The following POLK variants were observed in gnomAD, a reference collection of about 807,000 sequenced individuals.
POLK encodes polymerase (DNA directed) kappa.
A neutral mutation model predicts 94.0 loss-of-function variants in POLK; 76 were observed. That is an observed-to-expected ratio of 0.81 (90% CI 0.67 to 0.98). The LOEUF (loss-of-function observed/expected upper bound fraction) is 0.98. POLK is among the 50% of genes least tolerant of loss of function. POLK has a pLI of 0.00. For missense variants in POLK, 954 were observed against 1,010.1 expected (o/e 0.94, Z 0.75); for synonymous variants, 349 against 325.4 (o/e 1.07, Z -0.78).
upstream of POLK, chr5:75,511,628 T>G: frequency 6.7e-7 from 1 of 1,483,946 alleles, no homozygotes; most frequent in Non-Finnish European, 9.0e-7. Context: ...GGCCCACTAT[T>G]TACCCTCCCC....
At position 75,597,495 on chromosome 5, in the gene POLK, A is replaced by G. The variant is rs547131395; in HGVS notation, c.2486-252A>G. On this transcript the variant is annotated intron_variant, in intron 13 of 14. Coordinates refer to ENST00000241436, the Ensembl canonical transcript of POLK. ...ACAGTGGTAAATTAACTATAACTGC[A>G]TAACTAGAAAGCCTCTTTAACTTAT... 3 of 406,842 alleles carry G rather than the reference A, an allele frequency of 7.4e-6. No individual in the cohort carries two copies. In the East Asian group the frequency reaches 1.1e-4, roughly 16 times the overall value. 25.2% of individuals were successfully genotyped at this position (406,842 alleles called of 1,614,324 possible). A position where few individuals can be genotyped will look rare whatever the true frequency, so the allele number is the denominator to read the frequency against.
Position 75,582,927 on chromosome 5 carries a change from C to T in POLK, c.935-366C>T, listed in dbSNP as rs5744678. 675 of 156,060 alleles carry T rather than the reference C, an allele frequency of 4.3e-3. 2 individuals are homozygous for T. The highest frequency in any genetic ancestry group is 0.016 in the African/African-American group (617 of 39,310). 9.7% of individuals were successfully genotyped at this position (156,060 alleles called of 1,614,324 possible). A position where few individuals can be genotyped will look rare whatever the true frequency, so the allele number is the denominator to read the frequency against. ...TCACGCCATTGCACTCCAGCCTGGG[C>T]GACAGAGCAAGACTCCATCTGAAAA... On this transcript the variant is annotated intron_variant, in intron 7 of 14. Transcript: ENST00000241436.
intron 10 of POLK, among the ~76,000 whole-genome samples, chr5:75,589,772 T>C (rs1007037944): frequency 6.6e-6 from 1 of 152,194 alleles, no homozygotes; most frequent in South Asian, 2.1e-4. Context: ...CTTTGTATTA[T>C]CCTCTTTTAA....
At chr5:75,516,224 C>T (rs564844952) in intron 1 of POLK, among the ~76,000 whole-genome samples, 1 of 152,242 alleles carries the variant, frequency 6.6e-6, no homozygotes, top group South Asian at 2.1e-4. Context: ...AGCTTTTTAG[C>T]TTGATATAAT....
At chr5:75,557,817 T>C (rs1222119825) in intron 3 of POLK, among the ~76,000 whole-genome samples, 1 of 152,120 alleles carries the variant, frequency 6.6e-6, no homozygotes, top group Non-Finnish European at 1.5e-5. Flanking sequence ...TGAGACAGAG[T>C]CTCCCTCTGT....
chr5:75,584,545 G>A (rs1272125558), intron 8 of POLK, among the ~76,000 whole-genome samples: 3 of 152,012 alleles, frequency 2.0e-5, no homozygotes, highest in African/African-American at 7.2e-5. Flanking sequence ...GCGCATGTCT[G>A]TAATCCCAGC....
At chr5:75,537,973 C>T (rs180938444) in intron 1 of POLK, among the ~76,000 whole-genome samples, 2,486 of 152,110 alleles carry the variant, frequency 0.016, 58 homozygotes, top group African/African-American at 0.054. Context: ...TCTCCTGCCT[C>T]AGCCGCCCGA....
At position 75,597,179 on chromosome 5, in the gene POLK, G is replaced by T; in HGVS notation, c.2485+1G>T. Reference sequence around the variant, plus strand: ...CCCAAAGAAAGCTCCAGAAGTACTGGTAAGTGTGTAATTGTTTTAAACTGC... The same window carrying T: ...CCCAAAGAAAGCTCCAGAAGTACTGTTAAGTGTGTAATTGTTTTAAACTGC... On this transcript the variant is annotated splice_donor_variant, in intron 13 of 14. Transcript: ENST00000241436. LOFTEE classifies it high-confidence loss of function. 2 of 1,395,164 alleles carry T rather than the reference G, an allele frequency of 1.4e-6. No individual in the cohort carries two copies. The highest frequency in any genetic ancestry group is 2.0e-6 in the Non-Finnish European group (2 of 986,388). 86.4% of individuals were successfully genotyped at this position (1,395,164 alleles called of 1,614,324 possible). A position where few individuals can be genotyped will look rare whatever the true frequency, so the allele number is the denominator to read the frequency against.
intron 1 of POLK, among the ~76,000 whole-genome samples, chr5:75,531,087 G>A (rs1769158699): frequency 6.6e-6 from 1 of 151,760 alleles, no homozygotes; most frequent in Non-Finnish European, 1.5e-5. Context: ...GATTACAGGC[G>A]TGAGCCACTG....
the POLK span, among the ~76,000 whole-genome samples, chr5:75,606,659 C>T: frequency 1.3e-5 from 2 of 150,682 alleles, no homozygotes; most frequent in Non-Finnish European, 3.0e-5. Flanking sequence ...TCAGAGAGCA[C>T]GGGGTTGGGG....
At chr5:75,596,862 T>A in exon 13 of POLK, 1 of 1,613,578 alleles carries the variant, frequency 6.2e-7, no homozygotes, top group Non-Finnish European at 8.5e-7. Flanking sequence ...GTAATAAGCA[T>A]AGCAAGGAAG....
chr5:75,542,025 G>A (rs1769767663), intron 1 of POLK, among the ~76,000 whole-genome samples: 1 of 152,184 alleles, frequency 6.6e-6, no homozygotes. Flanking sequence ...TACTTTAAAT[G>A]TAGAGTAATA....
At chr5:75,539,507 C>CT (rs1251503286) in intron 1 of POLK, among the ~76,000 whole-genome samples, 6 of 151,784 alleles carry the variant, frequency 4.0e-5, no homozygotes, top group Admixed American at 2.6e-4. Context: ...TCTTTCTTTT[C>CT]TTTTTTTTGA....
intron 3 of POLK, among the ~76,000 whole-genome samples, chr5:75,557,089 CTT>C (rs1770666887): frequency 1.3e-5 from 2 of 152,076 alleles, no homozygotes; most frequent in South Asian, 4.2e-4. Flanking sequence ...GAAAGAAACT[CTT>C]CTCCATTTTA....
At chr5:75,604,302 A>G (rs1354717769), downstream of POLK, among the ~76,000 whole-genome samples, 1 of 152,082 alleles carries the variant, frequency 6.6e-6, no homozygotes, top group African/African-American at 2.4e-5. Context: ...TTAAAATATG[A>G]CTATTAACCT....
At chr5:75,568,327 T>C (rs186007850) in intron 3 of POLK, among the ~76,000 whole-genome samples, 1 of 152,336 alleles carries the variant, frequency 6.6e-6, no homozygotes, top group African/African-American at 2.4e-5. Flanking sequence ...TTAATGGTCT[T>C]GGTAACTTCC....
At chr5:75,592,078 CAT>C (rs1772818941) in intron 11 of POLK, among the ~76,000 whole-genome samples, 2 of 152,318 alleles carry the variant, frequency 1.3e-5, no homozygotes, top group South Asian at 2.1e-4. Context: ...ATATACATAA[CAT>C]AAAATTTACA....
chr5:75,546,759 G>A (rs182523283), intron 1 of POLK, among the ~76,000 whole-genome samples: 4 of 151,862 alleles, frequency 2.6e-5, no homozygotes, highest in East Asian at 3.9e-4. Context: ...TCTGCCTCCC[G>A]GGTTCAAGCA....
chr5:75,537,648 A>T (rs1184372748), intron 1 of POLK, among the ~76,000 whole-genome samples: 1 of 152,084 alleles, frequency 6.6e-6, no homozygotes, highest in Non-Finnish European at 1.5e-5. Context: ...CTTCTGCTAT[A>T]ATCTATTTGT....
Sources: gnomAD v4.1 joint callset for allele counts (sites outside exome capture counted in the v4.1 genomes callset) on GRCh38, gnomAD v4.1.1 for gene constraint, MANE v1.5 for transcripts, NCBI Gene and HGNC (gene_info 2026-07-23, HGNC 2026-07-21) for gene names.